Variants in TLL2 observed in about 807,000 individuals in gnomAD.
The protein encoded by TLL2 is tolloid-like protein 2.
TLL2 carries 106 observed loss-of-function variants against 123.0 expected under a neutral mutation model. That is an observed-to-expected ratio of 0.86 (90% CI 0.74 to 1.01). The LOEUF is 1.01. Ranked by LOEUF, TLL2 falls within the 50% of genes least tolerant of loss-of-function variation. The probability of loss-of-function intolerance (pLI) is 0.00; values close to 1 mark genes in which losing one functional copy is unlikely to be tolerated. For synonymous variants in TLL2, 494 were observed against 516.8 expected, an observed-to-expected ratio of 0.96 and a Z score of 0.60; for missense variants, 1,332 against 1,336.7, an observed-to-expected ratio of 1.00 and a Z score of 0.06.
chr10:96,396,037 C>T lies in TLL2; in HGVS notation c.1385-17G>A. ...CGCAGGTAGCTTTAGAAAGAGACAT[C>T]AGGAGAGGAAGACGGGGGCCCTGGT... On this transcript the variant is annotated splice_polypyrimidine_tract_variant and intron_variant, in intron 11 of 20. Coordinates refer to ENST00000357947, the MANE Select transcript of TLL2 (RefSeq NM_012465.4). The T allele has an allele frequency of 1.9e-6, 3 of 1,613,214 alleles. No individual in the cohort carries two copies. Among genetic ancestry groups the T allele is most frequent in the Non-Finnish European group, 2.5e-6 (3 of 1,179,442 alleles).
At chr10:96,505,379 C>T (rs1478310609) in intron 1 of TLL2, among the ~76,000 whole-genome samples, 2 of 152,234 alleles carry the variant, frequency 1.3e-5, no homozygotes, top group Admixed American at 6.5e-5. Flanking sequence ...GACACAAAGC[C>T]AGATCACTTT....
chr10:96,422,452 C>T, intron 6 of TLL2, 97 bp downstream of exon 6: 1 of 1,417,804 alleles, frequency 7.1e-7, no homozygotes, highest in Non-Finnish European at 9.7e-7. Flanking sequence ...GTTAGCATTG[C>T]TCAGCTCCCA....
At chr10:96,423,666 T>C (rs1001569206) in intron 5 of TLL2, among the ~76,000 whole-genome samples, 4 of 152,206 alleles carry the variant, frequency 2.6e-5, no homozygotes, top group Non-Finnish European at 2.9e-5. Flanking sequence ...TGTAAATTTC[T>C]ACCAATGGGA....
chr10:96,425,251 T>C (rs1846667797), intron 5 of TLL2, among the ~76,000 whole-genome samples: 1 of 145,910 alleles, frequency 6.9e-6, no homozygotes, highest in South Asian at 2.2e-4. Flanking sequence ...ACCTCTGTCA[T>C]TACTGTTTTC....
At chr10:96,489,526 C>T (rs565220812) in intron 1 of TLL2, among the ~76,000 whole-genome samples, 6 of 151,318 alleles carry the variant, frequency 4.0e-5, no homozygotes, top group Non-Finnish European at 7.4e-5. Context: ...AAAACCTTGT[C>T]GAAAGAAAGA....
At chr10:96,470,463 C>T (rs1847168503) in intron 2 of TLL2, among the ~76,000 whole-genome samples, 1 of 152,242 alleles carries the variant, frequency 6.6e-6, no homozygotes, top group African/African-American at 2.4e-5. Context: ...TGTTGACAGA[C>T]TGGTTGATGG....
At chr10:96,447,921 T>C (rs528357523) in intron 2 of TLL2, among the ~76,000 whole-genome samples, 5 of 151,982 alleles carry the variant, frequency 3.3e-5, no homozygotes, top group African/African-American at 1.2e-4. Context: ...CACCCGGTGG[T>C]CTTCCCTGGC....
In TLL2 at chr10:96,370,734, C is replaced by A. The variant is rs562086002; in HGVS notation, c.2663-419G>T. ...TCCCACTCGCCCCACCGACTGACTGCAATTTGTCATTTCTGCCGACAGAGG... is the reference window on the plus strand; with the variant it reads ...TCCCACTCGCCCCACCGACTGACTGAAATTTGTCATTTCTGCCGACAGAGG... On this transcript the variant is annotated intron_variant, in intron 19 of 20. Coordinates refer to ENST00000357947, the MANE Select transcript of TLL2 (RefSeq NM_012465.4). Among the ~76,000 whole-genome samples, 10 of 152,328 alleles carry A rather than the reference C, an allele frequency of 6.6e-5. No homozygotes were observed. In the East Asian group the frequency reaches 1.7e-3, roughly 26 times the overall value.
Position 96,373,625 on chromosome 10 carries a change from C to T in TLL2, c.2633G>A (p.Arg878Lys). The T allele has an allele frequency of 6.2e-7, 1 of 1,614,218 alleles. No individual in the cohort carries two copies. Among genetic ancestry groups the T allele is most frequent in the Non-Finnish European group, 8.5e-7 (1 of 1,180,042 alleles). ...GCTGTGCACTGCCTGGAAGCCTTTC[C>T]TCTGCACTGAGGCATCCGAATAAAA... Reference protein sequence around the residue: ...LRFYSDASVQRKGFQAVHSTE... With the variant: ...LRFYSDASVQKKGFQAVHSTE... The change falls in exon 19 of 21, where the codon AGG (arginine) becomes AAG (lysine). Residue 878 changes from arginine (R) to lysine (K), a missense_variant. Transcript: ENST00000357947.
At chr10:96,423,171 GA>G (rs1255608940) in intron 5 of TLL2, among the ~76,000 whole-genome samples, 1 of 150,704 alleles carries the variant, frequency 6.6e-6, no homozygotes, top group East Asian at 1.9e-4. Context: ...TTTCAGAAGT[GA>G]AAGTGCTCTC....
chr10:96,393,425 T>C (rs1846307737), intron 13 of TLL2, among the ~76,000 whole-genome samples: 4 of 152,270 alleles, frequency 2.6e-5, no homozygotes, highest in Admixed American at 1.3e-4. Context: ...TTTCTCCTGA[T>C]GACAGCCTTG....
intron 6 of TLL2, 37 bp downstream of exon 6, chr10:96,422,511 CG>C (rs1846634636): frequency 1.2e-6 from 2 of 1,610,180 alleles, no homozygotes; most frequent in South Asian, 2.2e-5. Flanking sequence ...GCCACCTTCT[CG>C]ACCGGTGCCT....
At chr10:96,403,619 C>T (rs991264950) in intron 10 of TLL2, among the ~76,000 whole-genome samples, 1 of 152,190 alleles carries the variant, frequency 6.6e-6, no homozygotes, top group Non-Finnish European at 1.5e-5. Flanking sequence ...TATTGTCTCC[C>T]CATGTGATAG....
intron 2 of TLL2, among the ~76,000 whole-genome samples, chr10:96,455,767 C>A (rs988691811): frequency 3.3e-5 from 5 of 152,244 alleles, no homozygotes; most frequent in African/African-American, 1.2e-4. Flanking sequence ...CCCTTTTGGG[C>A]TTCTCTGCCT....
chr10:96,471,617 A>C (rs1200456177), intron 2 of TLL2, among the ~76,000 whole-genome samples: 5 of 152,180 alleles, frequency 3.3e-5, no homozygotes, highest in African/African-American at 1.2e-4. Flanking sequence ...TGTCACACTT[A>C]TTTAATCCTC....
At chr10:96,510,831 C>T (rs1747464732) in intron 1 of TLL2, among the ~76,000 whole-genome samples, 2 of 152,332 alleles carry the variant, frequency 1.3e-5, no homozygotes, top group South Asian at 4.1e-4. Context: ...AGGGGGCTCA[C>T]ACTGAAGTGC....
chr10:96,435,198 A>AT (rs1308517353), intron 3 of TLL2, among the ~76,000 whole-genome samples: 2 of 151,566 alleles, frequency 1.3e-5, no homozygotes, highest in East Asian at 3.9e-4. Context: ...CACCCAGCTA[A>AT]TTTTTTGTAT....
chr10:96,399,108 T>A (rs1476345605), intron 10 of TLL2, among the ~76,000 whole-genome samples: 2 of 152,032 alleles, frequency 1.3e-5, no homozygotes, highest in Non-Finnish European at 2.9e-5. Context: ...CCTGACCTCA[T>A]GATCTGCCCG....
Position 96,368,041 on chromosome 10 carries a change from A to T in TLL2, c.*47T>A. The T allele has an allele frequency of 6.2e-7, 1 of 1,609,318 alleles. No individual in the cohort carries two copies. The highest frequency in any genetic ancestry group is 8.5e-7 in the Non-Finnish European group (1 of 1,177,144). On this transcript the variant is annotated 3_prime_UTR_variant, in exon 21 of 21. Transcript: ENST00000357947. ...AGGTGCTATTGTTGTTAAAAACAAA[A>T]CAAAACAAAAAAAATTCTCAGTTTC...
Sources: allele counts gnomAD v4.1 joint callset (sites outside exome capture counted in the v4.1 genomes callset), GRCh38; gene constraint gnomAD v4.1.1; transcripts MANE v1.5; gene names NCBI Gene and HGNC (gene_info 2026-07-23, HGNC 2026-07-21).